Variants in TDRD12 observed in about 807,000 individuals in gnomAD.
The protein encoded by TDRD12 is putative ATP-dependent RNA helicase TDRD12.
TDRD12 carries 158 observed loss-of-function variants against 133.5 expected under a neutral mutation model. That is an observed-to-expected ratio of 1.18 (90% CI 1.04 to 1.35). The LOEUF is 1.35. Ranked by LOEUF, TDRD12 falls within the 40% of genes most tolerant of loss-of-function variation. The pLI is 0.00. For synonymous variants in TDRD12, 460 were observed against 477.9 expected (o/e 0.96, Z 0.49); for missense variants, 1,443 against 1,321.3 (o/e 1.09, Z -1.43).
At chr19:32,805,191 A>C (rs145729473) in intron 21 of TDRD12, among the ~76,000 whole-genome samples, 1,452 of 40,688 alleles carry the variant, frequency 0.036, 23 homozygotes, top group African/African-American at 0.14. Context: ...CATATATAAT[A>C]TATATATACA....
intron 23 of TDRD12, 140 bp from the exon 24 acceptor site, chr19:32,811,070 C>T (rs1966985354): frequency 3.1e-6 from 2 of 639,708 alleles, no homozygotes; most frequent in Admixed American, 6.0e-5. Context: ...TTTTGAAGGC[C>T]TTAGTTTTTT....
chr19:32,784,893 G>C (rs1255843092), intron 11 of TDRD12, among the ~76,000 whole-genome samples: 2 of 151,816 alleles, frequency 1.3e-5, no homozygotes, highest in African/African-American at 4.8e-5. Context: ...TATTAGTCTT[G>C]CTAGTGGTTT....
chr19:32,815,079 T>G (rs987005449), intron 25 of TDRD12, among the ~76,000 whole-genome samples: 5 of 152,218 alleles, frequency 3.3e-5, no homozygotes, highest in Non-Finnish European at 7.3e-5. Context: ...AGGCAGACGC[T>G]GAGCCTCAGG....
rs186048745 is a variant in TDRD12, at chr19:32,730,345, T to C, written c.25-1380T>C. 6.6e-4 allele frequency among the ~76,000 whole-genome samples: 100 copies of C among 152,304 alleles called. 2 individuals are homozygous for C. In the East Asian group the frequency reaches 9.5e-3, roughly 14 times the overall value. ...GGTTAACACCACGTGGACTGGGGAATGGGCTCAGGGGAAAAGCCGTGTAAA... is the reference window on the plus strand; with the variant it reads ...GGTTAACACCACGTGGACTGGGGAACGGGCTCAGGGGAAAAGCCGTGTAAA... On this transcript the variant is annotated intron_variant, in intron 1 of 27. Transcript: ENST00000444215.
At chr19:32,777,195 A>G in exon 11 of TDRD12, 1 of 1,543,170 alleles carries the variant, frequency 6.5e-7, no homozygotes, top group Non-Finnish European at 8.7e-7. Context: ...ATTGACTGAG[A>G]AGAAAGAATA....
intron 11 of TDRD12, among the ~76,000 whole-genome samples, chr19:32,780,856 C>G (rs1440340891): frequency 1.3e-5 from 2 of 150,472 alleles, no homozygotes; most frequent in African/African-American, 4.9e-5. Context: ...CTTCTGGCCT[C>G]AAGCAATCCT....
chr19:32,769,805 T>C (rs1970395490), intron 8 of TDRD12, among the ~76,000 whole-genome samples: 1 of 152,008 alleles, frequency 6.6e-6, no homozygotes, highest in African/African-American at 2.4e-5. Flanking sequence ...CCTGGCTAAT[T>C]TTGTATTTTT....
Position 32,763,371 on chromosome 19 carries a change from T to C in TDRD12, c.865+6241T>C, listed in dbSNP as rs112243991. On this transcript the variant is annotated intron_variant, in intron 8 of 27. Transcript: ENST00000444215. ...CCTGTACCTTTGGGCTGCACGCTTC[T>C]CAGGTGCCCCTCAGCATCCCTCACC... 8.0e-3 allele frequency among the ~76,000 whole-genome samples: 1,219 copies of C among 152,292 alleles called. 16 individuals are homozygous for C. Among genetic ancestry groups the C allele is most frequent in the African/African-American group, 0.028 (1,156 of 41,546 alleles).
At chr19:32,779,043 AG>A (rs1456909361) in intron 11 of TDRD12, among the ~76,000 whole-genome samples, 2 of 152,210 alleles carry the variant, frequency 1.3e-5, no homozygotes, top group African/African-American at 4.8e-5. Flanking sequence ...GACTGCGCAG[AG>A]GTCCAGCATT....
At chr19:32,804,932 G>T (rs140986308) in intron 21 of TDRD12, among the ~76,000 whole-genome samples, 1 of 151,492 alleles carries the variant, frequency 6.6e-6, no homozygotes, top group Non-Finnish European at 1.5e-5. Context: ...GGTCATGAAG[G>T]CATTCTCCTA....
chr19:32,822,637 C>T (rs530860805), downstream of TDRD12, among the ~76,000 whole-genome samples: 25 of 151,728 alleles, frequency 1.6e-4, no homozygotes, highest in Admixed American at 9.2e-4. Context: ...GTCCCAGCTA[C>T]TCGGGAGGCT....
intron 26 of TDRD12, 86 bp downstream of exon 26, chr19:32,815,706 G>A: frequency 7.4e-7 from 1 of 1,352,420 alleles, no homozygotes; most frequent in Non-Finnish European, 9.9e-7. Flanking sequence ...TATGAAAGTA[G>A]AAGAGTTGGC....
At position 32,812,747 on chromosome 19, in the gene TDRD12, T is replaced by A. The variant is rs546772013; in HGVS notation, c.3049-937T>A. On this transcript the variant is annotated intron_variant, in intron 24 of 27. Coordinates refer to ENST00000444215, the Ensembl canonical transcript of TDRD12. ...TGGAGAAAGGTTCTCCTGTGTACATTCTTCTGAATTAATTCACCAAGTGCA... is the reference window on the plus strand; with the variant it reads ...TGGAGAAAGGTTCTCCTGTGTACATACTTCTGAATTAATTCACCAAGTGCA... Among the ~76,000 whole-genome samples, 16 of 152,360 alleles carry A rather than the reference T, an allele frequency of 1.1e-4. 1 individual carries two copies. The South Asian group carries it at 3.1e-3, about 30-fold the overall frequency.
intron 8 of TDRD12, among the ~76,000 whole-genome samples, chr19:32,771,405 C>T (rs997592135): frequency 6.6e-6 from 1 of 152,170 alleles, no homozygotes; most frequent in Non-Finnish European, 1.5e-5. Context: ...AGTGATCCAC[C>T]CACCTCAGCC....
intron 21 of TDRD12, among the ~76,000 whole-genome samples, chr19:32,804,146 C>T (rs1385248530): frequency 3.3e-5 from 5 of 151,828 alleles, no homozygotes; most frequent in Non-Finnish European, 7.4e-5. Context: ...CATCTCGGCT[C>T]ACTGCAAGCT....
exon 19 of TDRD12, chr19:32,801,833 G>A (rs1250172629): frequency 2.1e-6 from 3 of 1,462,090 alleles, no homozygotes; most frequent in East Asian, 2.5e-5. Flanking sequence ...TTTTAGAACA[G>A]TGGAAGAAGA....
chr19:32,803,277 C>T, intron 21 of TDRD12, 135 bp downstream of exon 21: 1 of 630,240 alleles, frequency 1.6e-6, no homozygotes, highest in Non-Finnish European at 2.7e-6. Flanking sequence ...GGTTCCCTCG[C>T]ACTCTTCCCC....
chr19:32,763,494 A>C (rs758732363), intron 8 of TDRD12, among the ~76,000 whole-genome samples: 1 of 152,094 alleles, frequency 6.6e-6, no homozygotes, highest in Non-Finnish European at 1.5e-5. Flanking sequence ...CCCTTCCTCT[A>C]GGTTAGATAG....
intron 13 of TDRD12, among the ~76,000 whole-genome samples, chr19:32,792,826 A>G (rs1040332965): frequency 6.6e-6 from 1 of 152,216 alleles, no homozygotes; most frequent in African/African-American, 2.4e-5. Flanking sequence ...AACTGGTCCT[A>G]CACACTGGAC....
Sources: allele counts gnomAD v4.1 joint callset (sites outside exome capture counted in the v4.1 genomes callset), GRCh38; gene constraint gnomAD v4.1.1; transcripts MANE v1.5; gene names NCBI Gene and HGNC (gene_info 2026-07-23, HGNC 2026-07-21).